HIVEP1: variants seen among roughly 807,000 people sequenced by gnomAD.
HIVEP1 encodes the protein HIVEP zinc finger 1.
A neutral mutation model predicts 180.0 loss-of-function variants in HIVEP1; 36 were observed. That is an observed-to-expected ratio of 0.20 (90% CI 0.15 to 0.26). The LOEUF is 0.26. Among genes scored for constraint, HIVEP1 ranks in the 10% least tolerant of loss-of-function variants. HIVEP1 has a pLI of 1.00. For missense variants in HIVEP1, 3,143 were observed against 3,268.7 expected, an observed-to-expected ratio of 0.96 and a Z score of 0.94; for synonymous variants, 1,239 against 1,239.0, an observed-to-expected ratio of 1.00 and a Z score of 0.00.
intron 3 of HIVEP1, among the ~76,000 whole-genome samples, chr6:12,092,355 A>G (rs1225541977): frequency 6.6e-6 from 1 of 152,154 alleles, no homozygotes; most frequent in Non-Finnish European, 1.5e-5. Flanking sequence ...TTTTTCACTT[A>G]ACGTTGTTCC....
At chr6:12,103,575 T>A (rs930558640) in intron 3 of HIVEP1, among the ~76,000 whole-genome samples, 27 of 152,174 alleles carry the variant, frequency 1.8e-4, no homozygotes, top group African/African-American at 4.6e-4. Context: ...TTTTTTTTTT[T>A]ATCTATCTGG....
chr6:12,108,728 C>T (rs967121172), intron 3 of HIVEP1, among the ~76,000 whole-genome samples: 2 of 152,194 alleles, frequency 1.3e-5, no homozygotes, highest in Admixed American at 6.5e-5. Flanking sequence ...TCCAGCTGGC[C>T]TGCAAGCGCC....
intron 2 of HIVEP1, chr6:12,037,971 C>A (rs189240633): frequency 2.6e-6 from 1 of 385,704 alleles, no homozygotes; most frequent in East Asian, 3.7e-5. Context: ...TGTGTTGGCC[C>A]CCCAAAGCAC....
At chr6:12,065,077 C>G (rs1279547265) in intron 2 of HIVEP1, among the ~76,000 whole-genome samples, 1 of 152,142 alleles carries the variant, frequency 6.6e-6, no homozygotes, top group Non-Finnish European at 1.5e-5. Flanking sequence ...TCATGGTGGA[C>G]AAATTGGATG....
At chr6:12,190,107 C>T in the HIVEP1 span, among the ~76,000 whole-genome samples, 5 of 152,280 alleles carry the variant, frequency 3.3e-5, no homozygotes, top group African/African-American at 9.6e-5. Flanking sequence ...TACTCTTATC[C>T]TTTATGCAGA....
At chr6:12,167,565 A>G (rs1282308396), downstream of HIVEP1, among the ~76,000 whole-genome samples, 1 of 45,652 alleles carries the variant, frequency 2.2e-5, no homozygotes, top group African/African-American at 7.8e-5. Context: ...TATATATTAC[A>G]TGCATGTTAT....
At chr6:12,011,819 C>T (rs1187094735), upstream of HIVEP1, among the ~76,000 whole-genome samples, 1 of 147,428 alleles carries the variant, frequency 6.8e-6, no homozygotes, top group Non-Finnish European at 1.5e-5. Context: ...GGCGCCTGGG[C>T]GTCCCGCGCC....
intron 7 of HIVEP1, among the ~76,000 whole-genome samples, chr6:12,142,487 A>T (rs1169092136): frequency 6.6e-6 from 1 of 152,204 alleles, no homozygotes; most frequent in African/African-American, 2.4e-5. Flanking sequence ...GAGAAGCAAG[A>T]GCAAACAAAT....
At chr6:12,162,511 C>A (rs1442901305) in intron 8 of HIVEP1, among the ~76,000 whole-genome samples, 1 of 152,228 alleles carries the variant, frequency 6.6e-6, no homozygotes, top group Non-Finnish European at 1.5e-5. Context: ...AGGCACAGGC[C>A]TCTGAAAAGT....
chr6:12,176,947 A>T, the HIVEP1 span, among the ~76,000 whole-genome samples: 2 of 152,232 alleles, frequency 1.3e-5, no homozygotes, highest in African/African-American at 2.4e-5. Context: ...TATAAAGCAA[A>T]TGTGGTACAT....
At chr6:12,028,236 A>T (rs1768712589) in intron 2 of HIVEP1, among the ~76,000 whole-genome samples, 1 of 152,192 alleles carries the variant, frequency 6.6e-6, no homozygotes, top group Non-Finnish European at 1.5e-5. Context: ...GCTGTCACTT[A>T]TAAGCCCGTC....
chr6:12,131,829 A>C (rs555310048), intron 6 of HIVEP1, among the ~76,000 whole-genome samples: 1 of 151,132 alleles, frequency 6.6e-6, no homozygotes, highest in Non-Finnish European at 1.5e-5. Flanking sequence ...AAAAATAGAA[A>C]CAACTTTTAT....
At chr6:12,196,153 G>A in the HIVEP1 span, among the ~76,000 whole-genome samples, 1 of 152,226 alleles carries the variant, frequency 6.6e-6, no homozygotes, top group African/African-American at 2.4e-5. Flanking sequence ...ATTGAAATAT[G>A]TGACCAGTGA....
intron 2 of HIVEP1, among the ~76,000 whole-genome samples, chr6:12,016,722 C>T (rs758907459): frequency 2.2e-4 from 34 of 152,202 alleles, no homozygotes; most frequent in Non-Finnish European, 4.4e-4. Context: ...TGGAGATTTA[C>T]ATGAGAACAA....
chr6:12,013,598 G>C (rs1364874161), intron 1 of HIVEP1, among the ~76,000 whole-genome samples: 2 of 152,158 alleles, frequency 1.3e-5, no homozygotes, highest in African/African-American at 2.4e-5. Flanking sequence ...CAGAGTTCAC[G>C]CTTTAAAAAC....
upstream of HIVEP1, chr6:12,008,530 A>C (rs1174100681): frequency 6.6e-6 from 1 of 152,162 alleles, no homozygotes; most frequent in Non-Finnish European, 1.5e-5. Flanking sequence ...AGCCCGTGCA[A>C]ATGTTCCTCT....
In HIVEP1 at chr6:12,163,906, C is replaced by A. The variant is rs878889515; in HGVS notation, c.7602C>A (p.Ser2534Arg). The change falls in exon 9 of 9, where the codon AGC (serine) becomes AGA (arginine). Residue 2534 changes from serine to arginine, a missense_variant. Ser to Arg is a moderately radical substitution (Grantham distance 110). Around this residue, in one of 12 missense-constraint regions of HIVEP1, gnomAD observed 595 missense variants for 602.2 expected, o/e 0.99. Coordinates refer to ENST00000379388, the MANE Select transcript of HIVEP1 (RefSeq NM_002114.4). ...VLTANPSSQS[S>R]PAPQAHIPGL... ...CTGCAAACCCTTCATCACAAAGCAGCCCCGCCCCTCAGGCACACATTCCAG... is the reference window on the plus strand; with the variant it reads ...CTGCAAACCCTTCATCACAAAGCAGACCCGCCCCTCAGGCACACATTCCAG... 6.2e-7 allele frequency: 1 copy of A among 1,614,162 alleles called. No homozygotes were observed. The highest frequency in any genetic ancestry group is 1.1e-5 in the South Asian group (1 of 91,080).
chr6:12,119,835 A>G (rs1181363201), intron 3 of HIVEP1, 55 bp from the exon 4 acceptor site: 16 of 1,100,954 alleles, frequency 1.5e-5, no homozygotes, highest in Non-Finnish European at 1.0e-5. Flanking sequence ...AAAAAATTAT[A>G]GTTGGTGTAT....
Position 12,123,122 on chromosome 6 carries a change from G to C in HIVEP1, c.3327G>C (p.Ser1109=), listed in dbSNP as rs201766884. The C allele has an allele frequency of 6.2e-7, 1 of 1,614,046 alleles. No homozygotes were observed. Among genetic ancestry groups the C allele is most frequent in the Admixed American group, 1.7e-5 (1 of 60,014 alleles). The change falls in exon 4 of 9, where the codon TCG becomes TCC. Residue 1109 remains serine (S), a synonymous_variant. Coordinates refer to ENST00000379388, the MANE Select transcript of HIVEP1 (RefSeq NM_002114.4). The part of the protein sequence containing the change: ...GPEQTMDPKL[S]TIMEQQISSA... ...AGCAGACCATGGATCCCAAGCTGTC[G>C]ACCATCATGGAACAACAGATAAGTT...
Sources: gnomAD v4.1 joint callset for allele counts (sites outside exome capture counted in the v4.1 genomes callset) on GRCh38, gnomAD v4.1.1 for gene constraint, gnomAD v4.1.1 regional missense constraint, MANE v1.5 for transcripts, NCBI Gene and HGNC (gene_info 2026-07-23, HGNC 2026-07-21) for gene names.